Variants in FOXN3 observed in about 807,000 individuals in gnomAD.
FOXN3 encodes forkhead box N3.
A neutral mutation model predicts 38.4 loss-of-function variants in FOXN3; 7 were observed. That is an observed-to-expected ratio of 0.18 (90% CI 0.10 to 0.34). The LOEUF is 0.34. FOXN3 is among the 10% of genes least tolerant of loss of function. The pLI, the probability that FOXN3 is intolerant of heterozygous loss-of-function variation, is 1.00. For missense variants in FOXN3, 456 were observed against 613.4 expected (o/e 0.74, Z 2.71); for synonymous variants, 230 against 242.2 (o/e 0.95, Z 0.47).
intron 1 of FOXN3, among the ~76,000 whole-genome samples, chr14:89,542,314 G>A (rs752150325): frequency 2.0e-5 from 3 of 152,208 alleles, no homozygotes; most frequent in Admixed American, 6.5e-5. Flanking sequence ...CCAAGTCTGA[G>A]TCTGTTTAGT....
At chr14:89,327,625 T>C (rs1888119532) in intron 3 of FOXN3, among the ~76,000 whole-genome samples, 1 of 152,232 alleles carries the variant, frequency 6.6e-6, no homozygotes, top group East Asian at 1.9e-4. Context: ...GCAAGACATC[T>C]GTTTAGTCTT....
At chr14:89,456,024 G>C (rs964222850) in intron 1 of FOXN3, among the ~76,000 whole-genome samples, 3 of 151,686 alleles carry the variant, frequency 2.0e-5, no homozygotes, top group African/African-American at 7.3e-5. Context: ...TGAAACCCGT[G>C]TCTACTAAAA....
At chr14:89,538,585 C>G (rs1319509905) in intron 1 of FOXN3, among the ~76,000 whole-genome samples, 1 of 152,174 alleles carries the variant, frequency 6.6e-6, no homozygotes, top group Non-Finnish European at 1.5e-5. Context: ...ATGGCACGAT[C>G]TTGGCTCACC....
intron 1 of FOXN3, among the ~76,000 whole-genome samples, chr14:89,503,875 C>T (rs976483228): frequency 6.6e-6 from 1 of 152,226 alleles, no homozygotes; most frequent in African/African-American, 2.4e-5. Flanking sequence ...GGATCACACA[C>T]AATGGCTGCT....
chr14:89,522,045 GA>G (rs1894331214), intron 1 of FOXN3, among the ~76,000 whole-genome samples: 1 of 148,502 alleles, frequency 6.7e-6, no homozygotes, highest in African/African-American at 2.5e-5. Context: ...AGAAAGAAAA[GA>G]AAACTAACAG....
intron 2 of FOXN3, among the ~76,000 whole-genome samples, chr14:89,403,701 C>G (rs1891309692): frequency 6.6e-6 from 1 of 152,172 alleles, no homozygotes; most frequent in African/African-American, 2.4e-5. Flanking sequence ...GCCACAAAGC[C>G]CTACCAAAGA....
chr14:89,473,823 G>A (rs1394960472), intron 1 of FOXN3, among the ~76,000 whole-genome samples: 1 of 151,982 alleles, frequency 6.6e-6, no homozygotes, highest in Non-Finnish European at 1.5e-5. Flanking sequence ...CTAGAGCCAA[G>A]TTCAACATCA....
rs1157998619 is a variant in FOXN3, at chr14:89,546,329, C to CTTTTTTTTTTTTTTTTTTTTTTTTTT, written c.-15+72698_-15+72699insAAAAAAAAAAAAAAAAAAAAAAAAAA. Reference sequence around the variant, plus strand: ...TAGCTTCTTTTCTTTTTTCCTTTTTCTTTTTTTTTTTTTTTTTTTGAGATG... The same window carrying CTTTTTTTTTTTTTTTTTTTTTTTTTT: ...TAGCTTCTTTTCTTTTTTCCTTTTTCTTTTTTTTTTTTTTTTTTTTTTTTTTTTTTTTTTTTTTTTTTTTTGAGATG... On this transcript the variant is annotated intron_variant, in intron 1 of 6. Coordinates refer to the FOXN3 transcript ENST00000345097. 3.8e-5 allele frequency among the ~76,000 whole-genome samples: 3 copies of CTTTTTTTTTTTTTTTTTTTTTTTTTT among 78,314 alleles called. 1 individual carries two copies. Among genetic ancestry groups the CTTTTTTTTTTTTTTTTTTTTTTTTTT allele is most frequent in the African/African-American group, 5.4e-5 (1 of 18,562 alleles). 51.4% of individuals were successfully genotyped at this position (78,314 alleles called of 152,430 possible).
intron 3 of FOXN3, among the ~76,000 whole-genome samples, chr14:89,317,627 C>T (rs1241840697): frequency 6.6e-6 from 1 of 152,146 alleles, no homozygotes; most frequent in African/African-American, 2.4e-5. Flanking sequence ...CCTGACACTC[C>T]TCTTTCTCTG....
At chr14:89,259,637 A>G (rs1885735325) in intron 4 of FOXN3, among the ~76,000 whole-genome samples, 2 of 152,204 alleles carry the variant, frequency 1.3e-5, no homozygotes, top group East Asian at 1.9e-4. Flanking sequence ...TTTTGGAACT[A>G]GGCGGGATAT....
At chr14:89,236,496 C>T (rs1441898515) in intron 4 of FOXN3, among the ~76,000 whole-genome samples, 1 of 152,130 alleles carries the variant, frequency 6.6e-6, no homozygotes, top group African/African-American at 2.4e-5. Flanking sequence ...GCCTGGGCAA[C>T]AGAGCGAGAC....
chr14:89,311,471 C>CAAAAAA (rs34367113), intron 3 of FOXN3, among the ~76,000 whole-genome samples: 4 of 66,044 alleles, frequency 6.1e-5, no homozygotes, highest in Non-Finnish European at 1.1e-4. Flanking sequence ...GACTCGGCCT[C>CAAAAAA]AAAAAAAAAA....
chr14:89,301,634 G>T (rs1176515964), intron 3 of FOXN3, among the ~76,000 whole-genome samples: 3 of 152,028 alleles, frequency 2.0e-5, no homozygotes, highest in African/African-American at 7.2e-5. Flanking sequence ...TGGGTGCAGT[G>T]GCAGGCTCCT....
Position 89,171,628 on chromosome 14 carries a change from AAAAG to A in FOXN3, c.852-8663_852-8660del, listed in dbSNP as rs1300220118. ...TATAGTATAATTCACCACAGTAAAA[AAAAG>A]AAAGAAAAATTTTATAGTTATCTTA... On this transcript the variant is annotated intron_variant, in intron 5 of 5. Transcript: ENST00000557258. 1.4e-3 allele frequency among the ~76,000 whole-genome samples: 208 copies of A among 152,334 alleles called. 1 individual carries two copies. Among genetic ancestry groups the A allele is most frequent in the African/African-American group, 4.6e-3 (193 of 41,580 alleles).
At chr14:89,204,761 G>A (rs1417459169) in intron 4 of FOXN3, among the ~76,000 whole-genome samples, 4 of 151,964 alleles carry the variant, frequency 2.6e-5, no homozygotes, top group Non-Finnish European at 5.9e-5. Flanking sequence ...CCTGAATAGT[G>A]CATATTCAAT....
At chr14:89,381,064 C>T (rs1395601976) in intron 2 of FOXN3, among the ~76,000 whole-genome samples, 3 of 149,214 alleles carry the variant, frequency 2.0e-5, no homozygotes, top group Non-Finnish European at 4.4e-5. Flanking sequence ...ATCACCTGAA[C>T]CCAGGAAGCA....
At chr14:89,180,374 G>A (rs918677859) in intron 5 of FOXN3, among the ~76,000 whole-genome samples, 6 of 152,152 alleles carry the variant, frequency 3.9e-5, no homozygotes, top group Non-Finnish European at 7.4e-5. Context: ...CTTGCGCTAG[G>A]CCCGTTAGCC....
At chr14:89,329,463 A>C (rs909766966) in intron 3 of FOXN3, among the ~76,000 whole-genome samples, 6 of 152,170 alleles carry the variant, frequency 3.9e-5, no homozygotes, top group African/African-American at 1.4e-4. Context: ...CATCACCACA[A>C]CTTGGTGGTG....
rs559419921 is a variant in FOXN3, at chr14:89,473,125, C to T, written c.-14-60635G>A. Among the ~76,000 whole-genome samples, 10 of 151,764 alleles carry T rather than the reference C, an allele frequency of 6.6e-5. No homozygotes were observed. The East Asian group carries it at 9.8e-4, about 15-fold the overall frequency. On this transcript the variant is annotated intron_variant, in intron 1 of 6. Coordinates refer to the FOXN3 transcript ENST00000345097. ...CTGTAAGCTCCATCTCCCGAGTTCACGCCATTCTCCTGCCTCAGCCTCCCA... is the reference window on the plus strand; with the variant it reads ...CTGTAAGCTCCATCTCCCGAGTTCATGCCATTCTCCTGCCTCAGCCTCCCA...
Sources: gnomAD v4.1 joint callset for allele counts (sites outside exome capture counted in the v4.1 genomes callset) on GRCh38, gnomAD v4.1.1 for gene constraint, MANE v1.5 for transcripts, NCBI Gene and HGNC (gene_info 2026-07-23, HGNC 2026-07-21) for gene names.